ANK3: variants seen among roughly 807,000 people sequenced by gnomAD.
ANK3 encodes the protein ankyrin-3.
ANK3 carries 57 observed loss-of-function variants against 370.9 expected under a neutral mutation model. That is an observed-to-expected ratio of 0.15 (90% CI 0.12 to 0.19). The LOEUF is 0.19. Among genes scored for constraint, ANK3 ranks in the 10% least tolerant of loss-of-function variants. ANK3 has a pLI of 1.00. For missense variants in ANK3, 4,439 were observed against 5,302.1 expected, an observed-to-expected ratio of 0.84 and a Z score of 5.06; for synonymous variants, 1,929 against 1,946.3, an observed-to-expected ratio of 0.99 and a Z score of 0.23.
At chr10:60,323,172 G>T (rs2049041216) in intron 1 of ANK3, among the ~76,000 whole-genome samples, 1 of 152,158 alleles carries the variant, frequency 6.6e-6, no homozygotes, top group South Asian at 2.1e-4. Flanking sequence ...TGATACCATA[G>T]GCAACTGGAA....
At chr10:60,215,584 C>T (rs373664876) in intron 8 of ANK3, among the ~76,000 whole-genome samples, 26 of 152,206 alleles carry the variant, frequency 1.7e-4, no homozygotes, top group South Asian at 6.2e-4. Flanking sequence ...TATGTCTAGC[C>T]GGTTTTCCCA....
chr10:60,253,614 A>G (rs1015885097), intron 7 of ANK3, among the ~76,000 whole-genome samples: 53 of 152,214 alleles, frequency 3.5e-4, no homozygotes, highest in African/African-American at 1.2e-3. Flanking sequence ...ACCTTACAAA[A>G]ACTTACTGGT....
At position 60,664,088 on chromosome 10, in the gene ANK3, G is replaced by A. The variant is rs75691895; in HGVS notation, c.58-48864C>T. ...TTACCCACCCACTCAGCTTCCCACC[G>A]CGCTGTCAGGGCGCAAAGCAGAAAG... On this transcript the variant is annotated intron_variant, in intron 1 of 43. Transcript: ENST00000373827. Among the ~76,000 whole-genome samples, 442 of 152,298 alleles carry A rather than the reference G, an allele frequency of 2.9e-3. 3 individuals are homozygous for A. Among genetic ancestry groups the A allele is most frequent in the African/African-American group, 0.01 (418 of 41,570 alleles).
intron 41 of ANK3, 37 bp from the exon 42 acceptor site, chr10:60,056,073 T>C: frequency 6.4e-7 from 1 of 1,565,994 alleles, no homozygotes; most frequent in Middle Eastern, 1.7e-4. Context: ...AATGGCAAAC[T>C]ATGACTGAAT....
chr10:60,263,696 C>T (rs1200950947), intron 6 of ANK3, 139 bp downstream of exon 6: 1 of 999,570 alleles, frequency 1.0e-6, no homozygotes, highest in African/African-American at 1.6e-5. Context: ...CAGTGGCTAG[C>T]TCAGACACAC....
intron 28 of ANK3, among the ~76,000 whole-genome samples, chr10:60,095,595 C>A (rs1319746659): frequency 6.6e-6 from 1 of 152,156 alleles, no homozygotes; most frequent in East Asian, 1.9e-4. Context: ...ATTGCCCAGG[C>A]TGGTCTTGAA....
At chr10:60,386,937 A>G (rs1262813869) in intron 1 of ANK3, among the ~76,000 whole-genome samples, 1 of 152,146 alleles carries the variant, frequency 6.6e-6, no homozygotes, top group East Asian at 1.9e-4. Flanking sequence ...AGGCGGGTGG[A>G]TCACCTGAGA....
At chr10:60,560,562 G>A (rs928805939) in intron 2 of ANK3, among the ~76,000 whole-genome samples, 1 of 152,144 alleles carries the variant, frequency 6.6e-6, no homozygotes, top group African/African-American at 2.4e-5. Context: ...AAGACATAGA[G>A]AACAGTTACG....
intron 1 of ANK3, among the ~76,000 whole-genome samples, chr10:60,304,385 G>A (rs533778569): frequency 6.6e-6 from 1 of 152,252 alleles, no homozygotes; most frequent in East Asian, 1.9e-4. Context: ...GCTCATGCTT[G>A]TAATCCCAGC....
intron 43 of ANK3, among the ~76,000 whole-genome samples, chr10:60,042,410 C>T (rs2393601): frequency 0.72 from 109,955 of 152,128 alleles, 40,102 homozygotes; most frequent in East Asian, 0.82. Flanking sequence ...ACTATTTATA[C>T]TTGCTTCTGC....
At chr10:60,090,431 A>T (rs1324840883) in intron 28 of ANK3, among the ~76,000 whole-genome samples, 1 of 152,228 alleles carries the variant, frequency 6.6e-6, no homozygotes, top group Non-Finnish European at 1.5e-5. Context: ...CATAATATAA[A>T]AGGTAATATA....
intron 2 of ANK3, among the ~76,000 whole-genome samples, chr10:60,590,240 G>T (rs2077890856): frequency 6.6e-6 from 1 of 152,178 alleles, no homozygotes; most frequent in South Asian, 2.1e-4. Flanking sequence ...TGTTGAGTGT[G>T]AATAGGGATG....
chr10:60,301,500 G>A (rs984500923), intron 1 of ANK3, among the ~76,000 whole-genome samples: 6 of 148,720 alleles, frequency 4.0e-5, no homozygotes, highest in East Asian at 2.0e-4. Flanking sequence ...TGCAATCTGT[G>A]CTTCCCTGGT....
intron 5 of ANK3, among the ~76,000 whole-genome samples, 155 bp downstream of exon 5, chr10:60,269,976 G>A (rs1447221434): frequency 6.6e-6 from 1 of 152,126 alleles, no homozygotes; most frequent in Non-Finnish European, 1.5e-5. Flanking sequence ...AAAATTAAAA[G>A]TAGACTTATA....
chr10:60,240,167 T>TATACACGC lies in ANK3; in HGVS notation c.799-5382_799-5381insGCGTGTAT, dbSNP rs1565916251. Among the ~76,000 whole-genome samples the TATACACGC allele has an allele frequency of 6.9e-4, 89 of 129,184 alleles. 1 individual carries two copies. The highest frequency in any genetic ancestry group is 2.9e-3 in the African/African-American group (87 of 29,640). 84.7% of individuals were successfully genotyped at this position (129,184 alleles called of 152,430 possible). On this transcript the variant is annotated intron_variant, in intron 7 of 43. Transcript: ENST00000280772. ...ACACATATATATACATATATACACA[T>TATACACGC]ATATATACATATATACACATATATA...
chr10:60,595,370 T>A (rs1409131535), intron 2 of ANK3, among the ~76,000 whole-genome samples: 1 of 152,084 alleles, frequency 6.6e-6, no homozygotes, highest in East Asian at 1.9e-4. Flanking sequence ...AAATGGGGAA[T>A]GCTGATTGGT....
At chr10:60,632,574 C>A (rs1449902448) in intron 1 of ANK3, among the ~76,000 whole-genome samples, 1 of 151,964 alleles carries the variant, frequency 6.6e-6, no homozygotes, top group African/African-American at 2.4e-5. Flanking sequence ...CACACTGAGA[C>A]CCTGTCTTTA....
intron 2 of ANK3, among the ~76,000 whole-genome samples, chr10:60,546,936 T>C (rs1238179073): frequency 6.6e-6 from 1 of 152,064 alleles, no homozygotes; most frequent in Non-Finnish European, 1.5e-5. Flanking sequence ...TTACAAAAGC[T>C]AAAATGGAAT....
chr10:60,250,027 G>A (rs1401244412), intron 7 of ANK3, among the ~76,000 whole-genome samples: 1 of 152,160 alleles, frequency 6.6e-6, no homozygotes, highest in Non-Finnish European at 1.5e-5. Context: ...ATACCTAAAT[G>A]TGTTTTGTAA....
Sources: gnomAD v4.1 joint callset for allele counts (sites outside exome capture counted in the v4.1 genomes callset) on GRCh38, gnomAD v4.1.1 for gene constraint, MANE v1.5 for transcripts, NCBI Gene and HGNC (gene_info 2026-07-23, HGNC 2026-07-21) for gene names.